The following RP1 variants were observed in gnomAD, a reference collection of about 807,000 sequenced individuals.
RP1 encodes RP1 axonemal microtubule associated, also known as oxygen-regulated protein 1.
A neutral mutation model predicts 14.8 loss-of-function variants in RP1; 16 were observed. The ratio of observed to expected loss-of-function variants is 1.08; its 90% CI spans 0.73 to 1.65. The LOEUF is 1.65. RP1 is among the 40% of genes most tolerant of loss of function. The pLI is 0.00. For missense variants in RP1, 2,631 were observed against 2,535.0 expected, an observed-to-expected ratio of 1.04 and a Z score of -0.81; for synonymous variants, 876 against 883.6, an observed-to-expected ratio of 0.99 and a Z score of 0.15.
At chr8:54,693,901 T>G (rs1807785366) in intron 12 of RP1, among the ~76,000 whole-genome samples, 1 of 152,162 alleles carries the variant, frequency 6.6e-6, no homozygotes, top group African/African-American at 2.4e-5. Context: ...CGTGCCAGTT[T>G]TCAAAGGGAA....
At chr8:54,749,483 A>G (rs953353974) in intron 19 of RP1, among the ~76,000 whole-genome samples, 3 of 152,166 alleles carry the variant, frequency 2.0e-5, no homozygotes, top group Admixed American at 6.5e-5. Flanking sequence ...TCTTCTGGCC[A>G]TAGTGATGAC....
chr8:54,559,905 G>T (rs1804246992), intron 1 of RP1, among the ~76,000 whole-genome samples: 1 of 152,200 alleles, frequency 6.6e-6, no homozygotes, highest in African/African-American at 2.4e-5. Context: ...CATATTTAGG[G>T]ACTCAGTCCC....
At chr8:54,607,137 C>T (rs1162897415) in intron 1 of RP1, among the ~76,000 whole-genome samples, 1 of 152,096 alleles carries the variant, frequency 6.6e-6, no homozygotes. Flanking sequence ...TTAGAGTTTC[C>T]AGTTTTTCTG....
intron 7 of RP1, chr8:54,663,959 A>G (rs1806954740): frequency 9.4e-7 from 1 of 1,062,492 alleles, no homozygotes; most frequent in South Asian, 2.2e-5. Flanking sequence ...CAGTTTAGTA[A>G]TGTTAAGTAT....
intron 24 of RP1, among the ~76,000 whole-genome samples, chr8:54,807,666 CT>C (rs1245483891): frequency 1.7e-5 from 1 of 58,572 alleles, no homozygotes; most frequent in Admixed American, 1.2e-4. Context: ...ATCTATCTAT[CT>C]ATCTATCTAT....
chr8:54,802,887 C>T (rs951604563), intron 24 of RP1, among the ~76,000 whole-genome samples: 3 of 152,194 alleles, frequency 2.0e-5, no homozygotes, highest in Non-Finnish European at 2.9e-5. Context: ...TCTTCTATAG[C>T]TGTTGACTAG....
chr8:54,719,347 G>T (rs1173514418), intron 15 of RP1, among the ~76,000 whole-genome samples: 2 of 152,182 alleles, frequency 1.3e-5, no homozygotes, highest in African/African-American at 4.8e-5. Flanking sequence ...TAAAAAGCGA[G>T]AGAGAAAGAG....
At chr8:54,737,738 G>A (rs759066495) in intron 18 of RP1, among the ~76,000 whole-genome samples, 1 of 152,010 alleles carries the variant, frequency 6.6e-6, no homozygotes, top group Non-Finnish European at 1.5e-5. Flanking sequence ...GTGGTGGTGG[G>A]CACTTAAAAA....
intron 21 of RP1, among the ~76,000 whole-genome samples, chr8:54,757,543 T>G (rs1018055559): frequency 5.3e-5 from 8 of 152,142 alleles, no homozygotes; most frequent in African/African-American, 1.9e-4. Flanking sequence ...GGGATATTAG[T>G]GAGCTGGTTA....
chr8:54,759,300 C>T (rs960282055), intron 22 of RP1, among the ~76,000 whole-genome samples: 2 of 151,898 alleles, frequency 1.3e-5, no homozygotes, highest in African/African-American at 4.8e-5. Context: ...CTTATTACCA[C>T]GATGTTGTGT....
intron 1 of RP1, among the ~76,000 whole-genome samples, chr8:54,577,698 G>A (rs1039835997): frequency 1.3e-5 from 2 of 152,060 alleles, no homozygotes; most frequent in Admixed American, 1.3e-4. Flanking sequence ...GATATATACT[G>A]TGATATCCTC....
intron 1 of RP1, among the ~76,000 whole-genome samples, chr8:54,580,522 G>T (rs1161269471): frequency 6.6e-6 from 1 of 151,186 alleles, no homozygotes; most frequent in Non-Finnish European, 1.5e-5. Context: ...GGCCTGGATG[G>T]TCTCAATCTC....
Position 54,629,543 on chromosome 8 carries a change from A to G in RP1, c.5661A>G (p.Lys1887=). 6.2e-7 allele frequency: 1 copy of G among 1,614,108 alleles called. No homozygotes were observed. The highest frequency in any genetic ancestry group is 1.3e-5 in the African/African-American group (1 of 75,056). ...KVYPVSDDAI[K]NQPLPGSNMI... The stretch of plus-strand genomic sequence containing the variant: ...ACCCTGTCTCTGATGATGCTATTAA[A>G]AACCAACCATTGCCTGGCAGTAATA... Residue 1887 remains lysine, a synonymous_variant, in exon 4 of 4, where the codon AAA becomes AAG. Coordinates refer to ENST00000220676, the MANE Select transcript of RP1 (RefSeq NM_006269.2).
chr8:54,794,813 G>A (rs1810544287), intron 24 of RP1, among the ~76,000 whole-genome samples: 2 of 151,900 alleles, frequency 1.3e-5, no homozygotes, highest in South Asian at 4.1e-4. Context: ...AAATGGGAAT[G>A]GGAGAAAATA....
At chr8:54,783,448 C>T in intron 23 of RP1, 1 of 541,048 alleles carries the variant, frequency 1.8e-6, no homozygotes, top group East Asian at 3.5e-5. Flanking sequence ...ACGAACTATT[C>T]ATTTCATAAC....
intron 7 of RP1, among the ~76,000 whole-genome samples, chr8:54,671,246 C>T (rs1779297176): frequency 6.6e-6 from 1 of 152,050 alleles, no homozygotes; most frequent in Admixed American, 6.6e-5. Context: ...TTGCCTTTCT[C>T]TTGCTGCTTC....
intron 16 of RP1, among the ~76,000 whole-genome samples, chr8:54,722,747 C>T (rs1047446166): frequency 6.6e-6 from 1 of 152,068 alleles, no homozygotes; most frequent in African/African-American, 2.4e-5. Context: ...GTGAGGCACC[C>T]TGACTGATAA....
At chr8:54,726,567 T>C in intron 17 of RP1, 1 of 1,369,250 alleles carries the variant, frequency 7.3e-7, no homozygotes, top group South Asian at 1.6e-5. Context: ...AAATTATTTT[T>C]ACAGCATATA....
intron 8 of RP1, among the ~76,000 whole-genome samples, chr8:54,675,829 C>T (rs1807284476): frequency 6.6e-6 from 1 of 152,168 alleles, no homozygotes; most frequent in South Asian, 2.1e-4. Flanking sequence ...ACCTCACCAT[C>T]TGTCTTACTT....
Sources: gnomAD v4.1 joint callset for allele counts (sites outside exome capture counted in the v4.1 genomes callset) on GRCh38, gnomAD v4.1.1 for gene constraint, MANE v1.5 for transcripts, NCBI Gene and HGNC (gene_info 2026-07-23, HGNC 2026-07-21) for gene names.